Variants in TEX2 observed in about 807,000 individuals in gnomAD.
The protein encoded by TEX2 is testis expressed 2, also known as testis-expressed protein 2.
In TEX2, 53 loss-of-function variants were observed where a neutral mutation model predicts 106.9. That is an observed-to-expected ratio of 0.50 (90% CI 0.40 to 0.62). TEX2 has a LOEUF of 0.62. Among genes scored for constraint, TEX2 ranks in the 20% least tolerant of loss-of-function variants. The pLI is 0.00. For missense variants in TEX2, 1,207 were observed against 1,379.0 expected, an observed-to-expected ratio of 0.88 and a Z score of 1.98; for synonymous variants, 523 against 534.8, an observed-to-expected ratio of 0.98 and a Z score of 0.30.
chr17:64,204,864 A>T (rs1165211541), intron 2 of TEX2, among the ~76,000 whole-genome samples: 2 of 152,236 alleles, frequency 1.3e-5, no homozygotes, highest in Non-Finnish European at 2.9e-5. Context: ...CAATTCAGCC[A>T]TGCCATAAGT....
At chr17:64,188,502 C>T (rs2032170649) in intron 4 of TEX2, 87 bp from the exon 5 acceptor site, 2 of 1,578,594 alleles carry the variant, frequency 1.3e-6, no homozygotes, top group Non-Finnish European at 1.7e-6. Flanking sequence ...AGCTACAATG[C>T]TATCAAATGA....
chr17:64,212,424 TG>T, intron 2 of TEX2, 149 bp downstream of exon 2: 1 of 702,856 alleles, frequency 1.4e-6, no homozygotes, highest in Non-Finnish European at 2.5e-6. Context: ...ATGAGTTGAC[TG>T]GGTGCCTGGA....
At chr17:64,255,167 TAA>T (rs1158652670) in intron 1 of TEX2, among the ~76,000 whole-genome samples, 1 of 145,376 alleles carries the variant, frequency 6.9e-6, no homozygotes, top group Admixed American at 6.9e-5. Context: ...ACCTGGCCTT[TAA>T]AAAAAAAAAA....
chr17:64,222,884 T>G (rs1333812413), intron 1 of TEX2, among the ~76,000 whole-genome samples: 1 of 152,172 alleles, frequency 6.6e-6, no homozygotes, highest in Non-Finnish European at 1.5e-5. Flanking sequence ...AACCTTAGCC[T>G]TGATCCGGTA....
chr17:64,256,269 G>A (rs782669903), intron 1 of TEX2, among the ~76,000 whole-genome samples: 3 of 152,138 alleles, frequency 2.0e-5, no homozygotes, highest in Non-Finnish European at 4.4e-5. Context: ...TTCTGTACAT[G>A]CCAGGCATGG....
At chr17:64,229,011 AT>A (rs1291169003) in intron 1 of TEX2, among the ~76,000 whole-genome samples, 9 of 151,432 alleles carry the variant, frequency 5.9e-5, no homozygotes, top group South Asian at 2.1e-4. Flanking sequence ...TAACTTAATC[AT>A]TTTTTTATTT....
At chr17:64,262,303 A>T (rs2034302575) in intron 1 of TEX2, among the ~76,000 whole-genome samples, 1 of 152,226 alleles carries the variant, frequency 6.6e-6, no homozygotes. Context: ...CGAGGGTGGA[A>T]ACAGACTTTG....
intron 11 of TEX2, 142 bp downstream of exon 11, chr17:64,150,699 G>T: frequency 3.5e-6 from 3 of 856,290 alleles, no homozygotes; most frequent in South Asian, 2.1e-5. Flanking sequence ...TCCCATATTT[G>T]ATCAAATGTA....
chr17:64,159,394 T>C (rs1449347315), intron 8 of TEX2, among the ~76,000 whole-genome samples: 1 of 152,142 alleles, frequency 6.6e-6, no homozygotes, highest in African/African-American at 2.4e-5. Context: ...TGAGCTAGAT[T>C]TAATGTGCTC....
intron 1 of TEX2, among the ~76,000 whole-genome samples, chr17:64,257,335 A>G (rs549652148): frequency 6.6e-6 from 1 of 152,340 alleles, no homozygotes; most frequent in Admixed American, 6.5e-5. Flanking sequence ...CACCAAAGAA[A>G]AGCCTTTCCT....
intron 1 of TEX2, among the ~76,000 whole-genome samples, chr17:64,261,419 A>T (rs1427619456): frequency 2.0e-5 from 3 of 152,154 alleles, no homozygotes; most frequent in African/African-American, 7.2e-5. Flanking sequence ...ACCTCTAATA[A>T]TGAACATTAT....
intron 5 of TEX2, among the ~76,000 whole-genome samples, chr17:64,180,495 G>A (rs1321448715): frequency 2.0e-5 from 3 of 152,142 alleles, no homozygotes; most frequent in Non-Finnish European, 4.4e-5. Context: ...GCAGAACATC[G>A]ATAATGCATC....
intron 1 of TEX2, among the ~76,000 whole-genome samples, chr17:64,256,706 A>G (rs1211180832): frequency 6.6e-6 from 1 of 152,210 alleles, no homozygotes; most frequent in African/African-American, 2.4e-5. Context: ...AAGGAACCAC[A>G]TCTGTTTTGC....
At chr17:64,181,481 A>T (rs1288389593) in intron 5 of TEX2, among the ~76,000 whole-genome samples, 3 of 149,506 alleles carry the variant, frequency 2.0e-5, no homozygotes, top group Non-Finnish European at 3.0e-5. Flanking sequence ...TCAAAAAAAA[A>T]AAAAAAAAAA....
intron 1 of TEX2, among the ~76,000 whole-genome samples, chr17:64,221,973 A>T (rs1555633356): frequency 6.6e-6 from 1 of 152,238 alleles, no homozygotes; most frequent in Non-Finnish European, 1.5e-5. Context: ...AGTCAAATTC[A>T]TAGCAACAGA....
intron 1 of TEX2, among the ~76,000 whole-genome samples, chr17:64,254,310 T>C (rs2034145992): frequency 1.3e-5 from 2 of 152,336 alleles, no homozygotes; most frequent in East Asian, 1.9e-4. Context: ...TTCTCTAAAA[T>C]GTACTGAGTT....
chr17:64,190,690 C>T (rs952592144), intron 4 of TEX2, among the ~76,000 whole-genome samples: 2 of 152,228 alleles, frequency 1.3e-5, no homozygotes, highest in African/African-American at 4.8e-5. Flanking sequence ...ATGTGGCTTT[C>T]CTGCTGTCTC....
In TEX2 at chr17:64,212,940, G is replaced by A. The variant is rs142061807; in HGVS notation, c.1278C>T (p.Phe426=). 1.6e-5 allele frequency: 26 copies of A among 1,614,030 alleles called. No homozygotes were observed. The highest frequency in any genetic ancestry group is 5.3e-5 in the African/African-American group (4 of 74,874). ...EEFCELYTED[F]DLETEGESKV... is the part of the protein sequence containing the mutation. ...TACTCTCCCCCTCCGTTTCCAAATC[G>A]AAGTCCTCAGTGTACAGTTCACAAA... Residue 426 remains phenylalanine (F), a synonymous_variant, in exon 2 of 12, where the codon TTC becomes TTT. Transcript: ENST00000584379.
intron 1 of TEX2, among the ~76,000 whole-genome samples, chr17:64,243,808 C>CTT (rs782115456): frequency 1.3e-3 from 176 of 134,430 alleles, no homozygotes; most frequent in Middle Eastern, 3.8e-3. Flanking sequence ...TAAAACACCA[C>CTT]TTTTTTTTTT....
Sources: allele counts gnomAD v4.1 joint callset (sites outside exome capture counted in the v4.1 genomes callset), GRCh38; gene constraint gnomAD v4.1.1; transcripts MANE v1.5; gene names NCBI Gene and HGNC (gene_info 2026-07-23, HGNC 2026-07-21).